Variants in ZBTB20 observed in about 807,000 individuals in gnomAD.
ZBTB20 encodes the protein zinc finger and BTB domain containing 20, also known as zinc finger and BTB domain-containing protein 20.
A neutral mutation model predicts 56.9 loss-of-function variants in ZBTB20; 9 were observed. The observed-to-expected ratio is 0.16, with a 90% CI of 0.10 to 0.28. The LOEUF (loss-of-function observed/expected upper bound fraction) is 0.28. Among genes scored for constraint, ZBTB20 ranks in the 10% least tolerant of loss-of-function variants. The pLI, the probability that ZBTB20 is intolerant of heterozygous loss-of-function variation, is 1.00. For synonymous variants in ZBTB20, 417 were observed against 420.7 expected, an observed-to-expected ratio of 0.99 and a Z score of 0.11; for missense variants, 655 against 1,003.0, an observed-to-expected ratio of 0.65 and a Z score of 4.69.
intron 5 of ZBTB20, among the ~76,000 whole-genome samples, chr3:114,721,460 T>C (rs942273540): frequency 1.1e-4 from 16 of 152,098 alleles, no homozygotes; most frequent in African/African-American, 3.6e-4. Context: ...CTAGAGACAT[T>C]GTGGAGGAAA....
chr3:115,145,340 T>C (rs763043135), intron 1 of ZBTB20, among the ~76,000 whole-genome samples: 3 of 152,242 alleles, frequency 2.0e-5, no homozygotes, highest in African/African-American at 7.2e-5. Flanking sequence ...AAACTTACAG[T>C]TGACCCTCAG....
intron 2 of ZBTB20, among the ~76,000 whole-genome samples, chr3:115,068,935 T>G (rs1215504582): frequency 1.3e-5 from 2 of 152,014 alleles, no homozygotes; most frequent in Non-Finnish European, 2.9e-5. Flanking sequence ...CCTCCAGCAC[T>G]GAATCAACCA....
intron 5 of ZBTB20, among the ~76,000 whole-genome samples, chr3:114,717,643 C>A (rs888031495): frequency 3.3e-5 from 5 of 152,102 alleles, no homozygotes; most frequent in Non-Finnish European, 5.9e-5. Flanking sequence ...CTCCAGTTCA[C>A]CCCCCATTTT....
intron 3 of ZBTB20, among the ~76,000 whole-genome samples, chr3:114,934,063 C>T (rs2076448195): frequency 6.6e-6 from 1 of 152,136 alleles, no homozygotes; most frequent in African/African-American, 2.4e-5. Context: ...TGGAATACCC[C>T]ACCTTAGAAT....
chr3:114,815,059 T>C (rs969907944), intron 4 of ZBTB20, among the ~76,000 whole-genome samples: 1 of 152,194 alleles, frequency 6.6e-6, no homozygotes, highest in Non-Finnish European at 1.5e-5. Flanking sequence ...TTCAGGTAAC[T>C]TCCTAGTAAT....
intron 4 of ZBTB20, among the ~76,000 whole-genome samples, chr3:114,814,551 A>T (rs1196627589): frequency 1.3e-5 from 2 of 152,172 alleles, no homozygotes; most frequent in Non-Finnish European, 2.9e-5. Flanking sequence ...AAATCAGAAT[A>T]GCCTCAAATC....
chr3:114,639,843 G>A (rs2059462134), intron 6 of ZBTB20, among the ~76,000 whole-genome samples: 1 of 151,942 alleles, frequency 6.6e-6, no homozygotes, highest in Non-Finnish European at 1.5e-5. Context: ...AGAATTGGAA[G>A]ATAGCAAGAC....
At chr3:114,677,300 T>G (rs1401666152) in intron 6 of ZBTB20, among the ~76,000 whole-genome samples, 1 of 152,174 alleles carries the variant, frequency 6.6e-6, no homozygotes, top group Non-Finnish European at 1.5e-5. Flanking sequence ...TAAACTAATG[T>G]GGCCTTGACC....
intron 5 of ZBTB20, among the ~76,000 whole-genome samples, chr3:114,736,867 G>A (rs2066203669): frequency 6.6e-6 from 1 of 152,100 alleles, no homozygotes; most frequent in Non-Finnish European, 1.5e-5. Flanking sequence ...GTCACTTCTG[G>A]ATGAAAATTT....
chr3:114,474,209 G>C (rs1223810376), intron 7 of ZBTB20, among the ~76,000 whole-genome samples: 1 of 152,186 alleles, frequency 6.6e-6, no homozygotes, highest in East Asian at 1.9e-4. Context: ...AGGTTTGGGT[G>C]GGGGTACAGC....
intron 6 of ZBTB20, among the ~76,000 whole-genome samples, chr3:114,575,832 T>C (rs761433643): frequency 2.0e-5 from 3 of 152,162 alleles, no homozygotes; most frequent in Non-Finnish European, 4.4e-5. Context: ...GAGGTAAATG[T>C]GGAAATAGCC....
intron 4 of ZBTB20, among the ~76,000 whole-genome samples, chr3:114,882,815 T>C (rs1440524156): frequency 6.6e-6 from 1 of 152,114 alleles, no homozygotes; most frequent in Admixed American, 6.5e-5. Flanking sequence ...TATCAGTCGG[T>C]AAAGACATAC....
chr3:114,658,809 T>C (rs2060557560), intron 6 of ZBTB20: 1 of 152,264 alleles, frequency 6.6e-6, no homozygotes, highest in South Asian at 2.1e-4. Context: ...GACATTCATC[T>C]CTTCCCATGT....
At chr3:114,844,788 TTGCCTTCTTCTAACAA>T (rs1262089631) in intron 4 of ZBTB20, among the ~76,000 whole-genome samples, 3 of 150,954 alleles carry the variant, frequency 2.0e-5, no homozygotes, top group Non-Finnish European at 4.4e-5. Context: ...TGATTTTAAT[TTGCCTTCTTCTAACAA>T]TGATTGATAT....
At chr3:115,016,404 CT>C (rs1166241801) in intron 2 of ZBTB20, among the ~76,000 whole-genome samples, 2 of 151,842 alleles carry the variant, frequency 1.3e-5, no homozygotes, top group African/African-American at 2.4e-5. Flanking sequence ...TACATCCTGA[CT>C]GGTATTGTCA....
intron 6 of ZBTB20, among the ~76,000 whole-genome samples, chr3:114,602,706 G>C (rs2056853495): frequency 6.6e-6 from 1 of 151,894 alleles, no homozygotes; most frequent in Non-Finnish European, 1.5e-5. Flanking sequence ...AAAATATAGA[G>C]GAAGGTAAGC....
At chr3:115,125,798 T>A (rs2084314556) in intron 1 of ZBTB20, among the ~76,000 whole-genome samples, 2 of 152,212 alleles carry the variant, frequency 1.3e-5, no homozygotes, top group Admixed American at 6.5e-5. Context: ...TATTCTAAAA[T>A]AATGTTGTAC....
At chr3:114,669,405 C>A (rs1383877489) in intron 6 of ZBTB20, among the ~76,000 whole-genome samples, 1 of 151,898 alleles carries the variant, frequency 6.6e-6, no homozygotes, top group African/African-American at 2.4e-5. Context: ...TATAAACTGA[C>A]AAATCTGGAT....
intron 7 of ZBTB20, among the ~76,000 whole-genome samples, chr3:114,482,631 A>C: frequency 6.6e-6 from 1 of 152,148 alleles, no homozygotes; most frequent in East Asian, 1.9e-4. Context: ...TTATATTGTG[A>C]CCCAGTAACT....
Sources: gnomAD v4.1 joint callset for allele counts (sites outside exome capture counted in the v4.1 genomes callset) on GRCh38, gnomAD v4.1.1 for gene constraint, MANE v1.5 for transcripts, NCBI Gene and HGNC (gene_info 2026-07-23, HGNC 2026-07-21) for gene names.